DAAM1: variants seen among roughly 807,000 people sequenced by gnomAD.
DAAM1 encodes disheveled-associated activator of morphogenesis 1.
Under a neutral mutation model 130.0 loss-of-function variants are expected in DAAM1, and 52 were observed. That is an observed-to-expected ratio of 0.40 (90% confidence interval 0.32 to 0.50). The LOEUF (loss-of-function observed/expected upper bound fraction) is 0.50. Ranked by LOEUF, DAAM1 falls within the 20% of genes least tolerant of loss-of-function variation. The pLI is 0.61. For synonymous variants in DAAM1, 452 were observed against 444.5 expected (o/e 1.02, Z -0.21); for missense variants, 1,134 against 1,303.8 (o/e 0.87, Z 2.01).
intron 2 of DAAM1, chr14:59,265,821 G>C (rs1882410450): frequency 6.6e-6 from 1 of 152,362 alleles, no homozygotes; most frequent in Non-Finnish European, 1.5e-5. Context: ...GAGGAGGAAA[G>C]GCAAACCTGG....
intron 6 of DAAM1, among the ~76,000 whole-genome samples, chr14:59,323,738 A>T (rs1405930316): frequency 6.6e-6 from 1 of 152,146 alleles, no homozygotes; most frequent in African/African-American, 2.4e-5. Flanking sequence ...GTCTAAACGT[A>T]AGATTTTAAA....
intron 1 of DAAM1, among the ~76,000 whole-genome samples, chr14:59,243,416 C>T (rs1462198125): frequency 6.6e-6 from 1 of 152,170 alleles, no homozygotes; most frequent in Non-Finnish European, 1.5e-5. Context: ...TTTGAATACT[C>T]TTCCTGATGT....
chr14:59,330,464 C>T lies in DAAM1; in HGVS notation c.1373-37C>T, dbSNP rs1318200756. 5 of 1,519,910 alleles carry T rather than the reference C, an allele frequency of 3.3e-6. No individual in the cohort carries two copies. The Admixed American group carries it at 1.1e-4, about 33-fold the overall frequency. 94.2% of individuals were successfully genotyped at this position (1,519,910 alleles called of 1,614,324 possible). A position where few individuals can be genotyped will look rare whatever the true frequency, so the allele number is the denominator to read the frequency against. Reference sequence around the variant, plus strand: ...AGAGAAAATGCTTCAGCTTTGAAGACTCTCCTGTTTTCATGTCCAATTGTT... The same window carrying T: ...AGAGAAAATGCTTCAGCTTTGAAGATTCTCCTGTTTTCATGTCCAATTGTT... On this transcript the variant is annotated intron_variant, in intron 12 of 24. Transcript: ENST00000360909.
chr14:59,300,362 G>A (rs1213695963), intron 3 of DAAM1, among the ~76,000 whole-genome samples: 1 of 152,122 alleles, frequency 6.6e-6, no homozygotes, highest in Admixed American at 6.6e-5. Context: ...CTTCAGTGAT[G>A]GAAAGATAAT....
intron 1 of DAAM1, among the ~76,000 whole-genome samples, chr14:59,255,385 G>T (rs1328480398): frequency 6.6e-6 from 1 of 152,040 alleles, no homozygotes. Flanking sequence ...ACTATATCCC[G>T]TGATTTTTTT....
chr14:59,238,166 C>G (rs1341447992), intron 1 of DAAM1, among the ~76,000 whole-genome samples: 3 of 152,272 alleles, frequency 2.0e-5, no homozygotes, highest in African/African-American at 7.2e-5. Flanking sequence ...CCCAGATCCA[C>G]AGACAACTCA....
chr14:59,232,096 C>T (rs972444753), intron 1 of DAAM1, among the ~76,000 whole-genome samples: 9 of 152,170 alleles, frequency 5.9e-5, no homozygotes, highest in African/African-American at 2.2e-4. Context: ...CTGGATTTCT[C>T]CAGCAGTGCT....
chr14:59,268,002 A>G (rs1288682459), intron 2 of DAAM1, among the ~76,000 whole-genome samples: 1 of 150,060 alleles, frequency 6.7e-6, no homozygotes, highest in Non-Finnish European at 1.5e-5. Flanking sequence ...TCCCGGGTTC[A>G]AGCGATTATT....
chr14:59,228,861 T>G lies in DAAM1; in HGVS notation c.-37-34580T>G, dbSNP rs752462750. 5.9e-5 allele frequency among the ~76,000 whole-genome samples: 9 copies of G among 152,360 alleles called. 1 individual carries two copies. The South Asian group carries it at 6.2e-4, about 11-fold the overall frequency. The stretch of plus-strand genomic sequence containing the variant: ...CTTAGCTATGGTTTTAAATAATTTA[T>G]TTCACCTGGATTCTAGTGGCAGTCC... On this transcript the variant is annotated intron_variant, in intron 1 of 24. Coordinates refer to ENST00000360909, the MANE Select transcript of DAAM1 (RefSeq NM_001270520.2).
At chr14:59,213,051 TC>T (rs1225510636) in intron 1 of DAAM1, among the ~76,000 whole-genome samples, 1 of 150,594 alleles carries the variant, frequency 6.6e-6, no homozygotes, top group Non-Finnish European at 1.5e-5. Context: ...CACCACCCCC[TC>T]CCCAGGAGTA....
intron 1 of DAAM1, among the ~76,000 whole-genome samples, chr14:59,196,055 G>T (rs1386839616): frequency 6.6e-6 from 1 of 152,180 alleles, no homozygotes; most frequent in Non-Finnish European, 1.5e-5. Context: ...CTAAGGAACC[G>T]TATGCTTCTG....
At chr14:59,272,643 A>ATG (rs138081475) in intron 2 of DAAM1, among the ~76,000 whole-genome samples, 46 of 145,986 alleles carry the variant, frequency 3.2e-4, no homozygotes, top group East Asian at 1.6e-3. Flanking sequence ...ACACACATAT[A>ATG]TATGTATGTA....
At chr14:59,253,220 T>C (rs532581484) in intron 1 of DAAM1, among the ~76,000 whole-genome samples, 10 of 152,376 alleles carry the variant, frequency 6.6e-5, no homozygotes, top group African/African-American at 2.4e-4. Context: ...TAAGTGTCTT[T>C]CCTAAAGTCA....
intron 15 of DAAM1, among the ~76,000 whole-genome samples, chr14:59,334,350 T>C (rs1296152816): frequency 2.6e-5 from 4 of 152,298 alleles, no homozygotes; most frequent in Admixed American, 2.6e-4. Flanking sequence ...TTCATTTCAG[T>C]CTTGGCAGTG....
intron 3 of DAAM1, among the ~76,000 whole-genome samples, chr14:59,305,330 C>G (rs528063217): frequency 1.2e-4 from 19 of 152,278 alleles, no homozygotes; most frequent in African/African-American, 4.1e-4. Flanking sequence ...ATTTCTGAAA[C>G]TAATAATTGG....
chr14:59,251,226 G>C (rs1006475902), intron 1 of DAAM1, among the ~76,000 whole-genome samples: 2 of 152,210 alleles, frequency 1.3e-5, no homozygotes, highest in Non-Finnish European at 2.9e-5. Flanking sequence ...CTTGGTGCCT[G>C]TGTATGAATG....
intron 1 of DAAM1, among the ~76,000 whole-genome samples, chr14:59,201,160 CAAAAAAAA>C (rs71111617): frequency 2.9e-5 from 2 of 68,846 alleles, no homozygotes; most frequent in Admixed American, 1.8e-4. Flanking sequence ...GACTCCGTCT[CAAAAAAAA>C]AAAAAAAAAA....
chr14:59,368,182 A>T (rs559896539), intron 24 of DAAM1, among the ~76,000 whole-genome samples: 1 of 145,220 alleles, frequency 6.9e-6, no homozygotes, highest in South Asian at 2.1e-4. Context: ...ATTGTCTACA[A>T]TGTGTATGTA....
intron 22 of DAAM1, 185 bp from the exon 23 acceptor site, chr14:59,363,466 G>A: frequency 1.4e-6 from 1 of 699,422 alleles, no homozygotes; most frequent in East Asian, 2.9e-5. Flanking sequence ...GTGCACATGG[G>A]CATGGCTTTG....
Sources: allele counts gnomAD v4.1 joint callset (sites outside exome capture counted in the v4.1 genomes callset), GRCh38; gene constraint gnomAD v4.1.1; transcripts MANE v1.5; gene names NCBI Gene and HGNC (gene_info 2026-07-23, HGNC 2026-07-21).